The following SLC14A2 variants were observed in gnomAD, a reference collection of about 807,000 sequenced individuals.
SLC14A2 encodes solute carrier family 14 member 2.
SLC14A2 carries 91 observed loss-of-function variants against 104.6 expected under a neutral mutation model. That is an observed-to-expected ratio of 0.87 (90% CI 0.73 to 1.04). The LOEUF is 1.04. Among genes scored for constraint, SLC14A2 ranks in the 50% least tolerant of loss-of-function variants. The pLI, the probability that SLC14A2 is intolerant of heterozygous loss-of-function variation, is 0.00. For missense variants in SLC14A2, 1,189 were observed against 1,156.0 expected (o/e 1.03, Z -0.41); for synonymous variants, 476 against 466.4 (o/e 1.02, Z -0.27).
At chr18:45,607,336 G>A (rs555777420) in intron 2 of SLC14A2, among the ~76,000 whole-genome samples, 57 of 152,190 alleles carry the variant, frequency 3.7e-4, no homozygotes, top group African/African-American at 1.3e-3. Flanking sequence ...TTCTTACATG[G>A]TCTGTCATCC....
At chr18:45,420,338 G>C (rs1461145797) in intron 1 of SLC14A2, among the ~76,000 whole-genome samples, 1 of 152,206 alleles carries the variant, frequency 6.6e-6, no homozygotes, top group African/African-American at 2.4e-5. Context: ...ATAACTTCTA[G>C]TGTATTCTAT....
chr18:45,372,530 A>C (rs1370791373), intron 1 of SLC14A2, among the ~76,000 whole-genome samples: 1 of 152,146 alleles, frequency 6.6e-6, no homozygotes, highest in Non-Finnish European at 1.5e-5. Context: ...TGAACACCTG[A>C]AAAGACTAAC....
intron 2 of SLC14A2, among the ~76,000 whole-genome samples, chr18:45,587,154 T>C (rs1035620726): frequency 1.3e-5 from 2 of 152,124 alleles, no homozygotes; most frequent in African/African-American, 4.8e-5. Context: ...TTTGTATTTT[T>C]AGTAGAGACA....
intron 1 of SLC14A2, among the ~76,000 whole-genome samples, chr18:45,290,692 C>T (rs1439895952): frequency 6.6e-6 from 1 of 152,202 alleles, no homozygotes; most frequent in African/African-American, 2.4e-5. Flanking sequence ...AACTATCTCG[C>T]TAATGATTTT....
chr18:45,383,554 C>T (rs185661352), intron 1 of SLC14A2, among the ~76,000 whole-genome samples: 115 of 152,238 alleles, frequency 7.6e-4, no homozygotes, highest in African/African-American at 2.6e-3. Flanking sequence ...TCTGATAGCC[C>T]TCAACATTTT....
At chr18:45,443,162 T>G (rs952946062) in intron 1 of SLC14A2, among the ~76,000 whole-genome samples, 7 of 152,146 alleles carry the variant, frequency 4.6e-5, no homozygotes, top group Admixed American at 3.9e-4. Context: ...AAGGGGAAGG[T>G]GAAGGTTTAC....
chr18:45,469,542 G>A (rs993799734), intron 1 of SLC14A2, among the ~76,000 whole-genome samples: 5 of 152,172 alleles, frequency 3.3e-5, no homozygotes, highest in Admixed American at 2.6e-4. Flanking sequence ...GGGGAATGAA[G>A]GATGAGGTGG....
intron 1 of SLC14A2, among the ~76,000 whole-genome samples, chr18:45,393,903 G>A (rs9954370): frequency 0.019 from 2,919 of 152,258 alleles, 84 homozygotes; most frequent in African/African-American, 0.066. Context: ...TTATTTCACA[G>A]AAGAGGAAAC....
intron 1 of SLC14A2, among the ~76,000 whole-genome samples, chr18:45,281,900 T>C (rs2084766488): frequency 1.3e-5 from 2 of 152,136 alleles, no homozygotes; most frequent in African/African-American, 4.8e-5. Context: ...AGTGGCTCAG[T>C]CTCTCACCTG....
the SLC14A2 span, among the ~76,000 whole-genome samples, chr18:45,177,520 C>T: frequency 6.6e-6 from 1 of 152,108 alleles, no homozygotes; most frequent in South Asian, 2.1e-4. Flanking sequence ...TTAGTCCTGC[C>T]TCAGTGTGTG....
At chr18:45,200,878 A>T in the SLC14A2 span, among the ~76,000 whole-genome samples, 1 of 152,170 alleles carries the variant, frequency 6.6e-6, no homozygotes, top group Admixed American at 6.6e-5. Flanking sequence ...TATTTATTAT[A>T]ATCAATAAAC....
chr18:45,580,103 G>A (rs182627773), intron 2 of SLC14A2, among the ~76,000 whole-genome samples: 171 of 152,288 alleles, frequency 1.1e-3, no homozygotes, highest in African/African-American at 3.9e-3. Context: ...CTTACGCAAA[G>A]CCACGAGATC....
rs138330789 is a variant in SLC14A2, at chr18:45,241,475, C to G, written c.-125+28284C>G. ...TTGTAGATAAGAAACCACTTTCTAT[C>G]TGCTTCCGCTTGGCCACTGGGTCCC... On this transcript the variant is annotated intron_variant, in intron 1 of 20. Coordinates refer to the SLC14A2 transcript ENST00000586448. Among the ~76,000 whole-genome samples, 313 of 152,228 alleles carry G rather than the reference C, an allele frequency of 2.1e-3. 2 individuals are homozygous for G. Among genetic ancestry groups the G allele is most frequent in the African/African-American group, 7.2e-3 (299 of 41,532 alleles).
intron 2 of SLC14A2, among the ~76,000 whole-genome samples, chr18:45,575,032 G>A (rs1056618235): frequency 7.9e-5 from 12 of 152,176 alleles, no homozygotes; most frequent in African/African-American, 2.7e-4. Context: ...AAGTGGGTCT[G>A]GATCCATTTA....
intron 1 of SLC14A2, among the ~76,000 whole-genome samples, chr18:45,389,675 C>T (rs1268904759): frequency 6.6e-6 from 1 of 152,170 alleles, no homozygotes; most frequent in African/African-American, 2.4e-5. Context: ...TATTTGCTTA[C>T]AGGTGCCAGA....
chr18:45,426,646 CAT>C (rs1343513267), intron 1 of SLC14A2, among the ~76,000 whole-genome samples: 2 of 144,714 alleles, frequency 1.4e-5, no homozygotes, highest in Non-Finnish European at 3.0e-5. Flanking sequence ...TATCTATATA[CAT>C]ATATACATAC....
chr18:45,434,121 G>A (rs1280220352), intron 1 of SLC14A2, among the ~76,000 whole-genome samples: 2 of 152,060 alleles, frequency 1.3e-5, no homozygotes, highest in Non-Finnish European at 2.9e-5. Flanking sequence ...GAACCCTATG[G>A]TCTGAACATC....
At chr18:45,366,848 C>G (rs966173195) in intron 1 of SLC14A2, among the ~76,000 whole-genome samples, 1 of 152,158 alleles carries the variant, frequency 6.6e-6, no homozygotes, top group African/African-American at 2.4e-5. Context: ...CAGTCTACCC[C>G]CTTCAGAATG....
intron 1 of SLC14A2, among the ~76,000 whole-genome samples, chr18:45,387,206 T>C (rs2085906969): frequency 6.6e-6 from 1 of 152,172 alleles, no homozygotes; most frequent in African/African-American, 2.4e-5. Context: ...CTTTTTTCTG[T>C]CTTAAAAGGG....
Sources: gnomAD v4.1 joint callset for allele counts (sites outside exome capture counted in the v4.1 genomes callset) on GRCh38, gnomAD v4.1.1 for gene constraint, MANE v1.5 for transcripts, NCBI Gene and HGNC (gene_info 2026-07-23, HGNC 2026-07-21) for gene names.